Variants in PDS5B observed in about 807,000 individuals in gnomAD.
PDS5B encodes sister chromatid cohesion protein PDS5 homolog B.
A neutral mutation model predicts 184.1 loss-of-function variants in PDS5B; 51 were observed. The ratio of observed to expected loss-of-function variants is 0.28; its 90% CI spans 0.22 to 0.35. The LOEUF is 0.35. Among genes scored for constraint, PDS5B ranks in the 10% least tolerant of loss-of-function variants. The pLI is 1.00. For missense variants in PDS5B, 1,180 were observed against 1,723.3 expected (o/e 0.68, Z 5.58); for synonymous variants, 566 against 569.2 (o/e 0.99, Z 0.08).
At chr13:32,767,497 A>G (rs533559769) in intron 31 of PDS5B, among the ~76,000 whole-genome samples, 2 of 152,328 alleles carry the variant, frequency 1.3e-5, no homozygotes, top group East Asian at 3.9e-4. Flanking sequence ...TGTAACTAAC[A>G]TTACTCTGAT....
At chr13:32,696,934 A>AC in intron 15 of PDS5B, 32 bp downstream of exon 15, 3 of 1,233,792 alleles carry the variant, frequency 2.4e-6, no homozygotes, top group Non-Finnish European at 3.5e-6. Context: ...ATAAAAATGT[A>AC]ATTTTTATTG....
At chr13:32,649,050 AT>A in intron 2 of PDS5B, 170 bp downstream of exon 2, 1 of 538,874 alleles carries the variant, frequency 1.9e-6, no homozygotes, top group East Asian at 3.4e-5. Flanking sequence ...AGTGGGGATT[AT>A]TTGGCTATGA....
At chr13:32,706,429 T>C (rs1406191880) in intron 17 of PDS5B, among the ~76,000 whole-genome samples, 1 of 152,170 alleles carries the variant, frequency 6.6e-6, no homozygotes, top group Non-Finnish European at 1.5e-5. Context: ...TTTTATTGTA[T>C]GTCTGTTACC....
chr13:32,688,248 G>A (rs576423349), intron 12 of PDS5B, among the ~76,000 whole-genome samples: 1 of 152,176 alleles, frequency 6.6e-6, no homozygotes, highest in South Asian at 2.1e-4. Context: ...TCTTAGCTGG[G>A]TGTAGGGCTG....
At position 32,638,839 on chromosome 13, in the gene PDS5B, G is replaced by A. The variant is rs953211237; in HGVS notation, c.-19-9915G>A. Among the ~76,000 whole-genome samples, 4 of 152,032 alleles carry A rather than the reference G, an allele frequency of 2.6e-5. No individual in the cohort carries two copies. In the South Asian group the frequency reaches 8.3e-4, roughly 32 times the overall value. ...GGGAGGGAAGGAAGGAATGGGGAAG[G>A]AGGGAAGGGAGGGAATGGGTGCAAA... On this transcript the variant is annotated intron_variant, in intron 1 of 34. Coordinates refer to ENST00000315596, the MANE Select transcript of PDS5B (RefSeq NM_015032.4).
chr13:32,758,724 C>G (rs896300935), intron 28 of PDS5B, 71 bp downstream of exon 28: 2 of 1,463,462 alleles, frequency 1.4e-6, no homozygotes, highest in African/African-American at 2.8e-5. Flanking sequence ...GTAGGAAGAT[C>G]AGGAAGGATC....
At chr13:32,631,699 C>G (rs1020479250) in intron 1 of PDS5B, among the ~76,000 whole-genome samples, 20 of 152,068 alleles carry the variant, frequency 1.3e-4, no homozygotes, top group African/African-American at 4.8e-4. Context: ...GAGTTCTTAC[C>G]TAAGTTGTCA....
intron 6 of PDS5B, among the ~76,000 whole-genome samples, chr13:32,666,950 A>G (rs1476962663): frequency 1.3e-5 from 2 of 152,220 alleles, no homozygotes; most frequent in Non-Finnish European, 2.9e-5. Flanking sequence ...AGACTTGTAC[A>G]AGACATATAA....
intron 20 of PDS5B, 26 bp from the exon 21 acceptor site, chr13:32,735,146 A>G (rs760494209): frequency 2.0e-6 from 3 of 1,472,732 alleles, no homozygotes; most frequent in Non-Finnish European, 2.7e-6. Flanking sequence ...TAGAGTTGAA[A>G]TATATTTTCC....
At chr13:32,626,621 A>G (rs56123902) in intron 1 of PDS5B, among the ~76,000 whole-genome samples, 1 of 147,430 alleles carries the variant, frequency 6.8e-6, no homozygotes, top group African/African-American at 2.5e-5. Flanking sequence ...TTTTTTTTTT[A>G]TTTTCTTTGC....
At chr13:32,751,725 T>G (rs1387835992) in intron 24 of PDS5B, among the ~76,000 whole-genome samples, 1 of 152,220 alleles carries the variant, frequency 6.6e-6, no homozygotes, top group Admixed American at 6.5e-5. Context: ...GTTAATTTAT[T>G]TAAGTTTCTT....
At chr13:32,634,757 A>AT (rs2058513241) in intron 1 of PDS5B, among the ~76,000 whole-genome samples, 1 of 151,652 alleles carries the variant, frequency 6.6e-6, no homozygotes, top group Non-Finnish European at 1.5e-5. Context: ...TAGTTTTTGT[A>AT]TTTTTAGTAG....
At chr13:32,725,466 T>A (rs1326124037) in intron 19 of PDS5B, among the ~76,000 whole-genome samples, 8 of 152,152 alleles carry the variant, frequency 5.3e-5, no homozygotes, top group Non-Finnish European at 1.0e-4. Flanking sequence ...TTGCACTTGT[T>A]CTGCCCCAGA....
intron 1 of PDS5B, among the ~76,000 whole-genome samples, chr13:32,625,039 A>T (rs1381391989): frequency 6.6e-6 from 1 of 152,134 alleles, no homozygotes; most frequent in Non-Finnish European, 1.5e-5. Flanking sequence ...GCCTTTCAGG[A>T]TATACAGTAT....
rs1954931756 is a variant in PDS5B at position 32,775,624 on chromosome 13, T to C, written c.*572T>C. 2.2e-6 allele frequency: 1 copy of C among 456,058 alleles called. No individual in the cohort carries two copies. Among genetic ancestry groups the C allele is most frequent in the Admixed American group, 2.4e-5 (1 of 42,526 alleles). The allele number at this position is 456,058 out of a possible 1,614,324, so 28.3% of individuals were successfully genotyped here. On this transcript the variant is annotated 3_prime_UTR_variant, in exon 35 of 35. Coordinates refer to ENST00000315596, the MANE Select transcript of PDS5B (RefSeq NM_015032.4). ...GGGCACCCTTAATCTTCAGAGGTGC[T>C]AAATTGTCTGCCATTACACCAGAAG...
chr13:32,719,517 CA>C (rs1283561738), intron 19 of PDS5B, among the ~76,000 whole-genome samples: 1 of 151,572 alleles, frequency 6.6e-6, no homozygotes, highest in Non-Finnish European at 1.5e-5. Context: ...TCATTTGTTG[CA>C]AAAAAATCTA....
chr13:32,737,182 G>C (rs1020325531), intron 21 of PDS5B, among the ~76,000 whole-genome samples: 1 of 81,566 alleles, frequency 1.2e-5, no homozygotes, highest in Non-Finnish European at 2.4e-5. Flanking sequence ...TGAGGCTTCA[G>C]ATGTGGTTAT....
chr13:32,719,075 T>TA (rs1847561542), intron 19 of PDS5B, among the ~76,000 whole-genome samples: 1 of 152,246 alleles, frequency 6.6e-6, no homozygotes, highest in Admixed American at 6.5e-5. Context: ...TAACATGAAT[T>TA]AAAATACTAG....
intron 8 of PDS5B, 49 bp from the exon 9 acceptor site, chr13:32,675,795 C>G: frequency 8.9e-7 from 1 of 1,119,464 alleles, no homozygotes; most frequent in Non-Finnish European, 1.4e-6. Context: ...CAGCCTTATT[C>G]TGAATATCTA....
Sources: allele counts gnomAD v4.1 joint callset (sites outside exome capture counted in the v4.1 genomes callset), GRCh38; gene constraint gnomAD v4.1.1; transcripts MANE v1.5; gene names NCBI Gene and HGNC (gene_info 2026-07-23, HGNC 2026-07-21).